ATG5: variants seen among roughly 807,000 people sequenced by gnomAD.
ATG5 encodes the protein autophagy related 5.
A neutral mutation model predicts 36.5 loss-of-function variants in ATG5; 14 were observed. The observed-to-expected ratio is 0.38, with a 90% confidence interval of 0.25 to 0.60. The LOEUF (loss-of-function observed/expected upper bound fraction) is 0.60. ATG5 is among the 20% of genes least tolerant of loss of function. The probability of loss-of-function intolerance (pLI) is 0.60; values close to 1 mark genes in which losing one functional copy is unlikely to be tolerated. For missense variants in ATG5, 195 were observed against 326.7 expected, an observed-to-expected ratio of 0.60 and a Z score of 3.11; for synonymous variants, 95 against 101.5, an observed-to-expected ratio of 0.94 and a Z score of 0.38.
At chr6:106,253,631 G>A (rs1201279396) in intron 5 of ATG5, among the ~76,000 whole-genome samples, 1 of 152,070 alleles carries the variant, frequency 6.6e-6, no homozygotes, top group Non-Finnish European at 1.5e-5. Context: ...TCACCTCTCT[G>A]AGCCAACACA....
intron 7 of ATG5, among the ~76,000 whole-genome samples, chr6:106,188,426 GT>G (rs2114301556): frequency 6.6e-6 from 1 of 152,252 alleles, no homozygotes; most frequent in African/African-American, 2.4e-5. Flanking sequence ...TATCTCTAAA[GT>G]TTTTCCTTAA....
chr6:106,272,860 T>C (rs973428857), intron 5 of ATG5, among the ~76,000 whole-genome samples: 1 of 152,142 alleles, frequency 6.6e-6, no homozygotes. Context: ...CATGAGAGTA[T>C]AAAATCTGTG....
At chr6:106,257,502 G>T (rs1038440601) in intron 5 of ATG5, among the ~76,000 whole-genome samples, 1 of 152,112 alleles carries the variant, frequency 6.6e-6, no homozygotes, top group African/African-American at 2.4e-5. Flanking sequence ...AATCTTAAGG[G>T]ACCACTATCA....
At chr6:106,186,866 T>C (rs1298364104) in intron 7 of ATG5, among the ~76,000 whole-genome samples, 190 bp from the exon 8 acceptor site, 1 of 152,186 alleles carries the variant, frequency 6.6e-6, no homozygotes, top group African/African-American at 2.4e-5. Context: ...AACCTGAGGG[T>C]TACAATATAT....
intron 7 of ATG5, among the ~76,000 whole-genome samples, chr6:106,193,821 A>C (rs1776067816): frequency 6.6e-6 from 1 of 152,220 alleles, no homozygotes; most frequent in African/African-American, 2.4e-5. Flanking sequence ...ACATATGGTC[A>C]GAATGAAGCC....
chr6:106,302,456 A>G (rs1770256733), intron 3 of ATG5, among the ~76,000 whole-genome samples: 1 of 152,072 alleles, frequency 6.6e-6, no homozygotes, highest in Non-Finnish European at 1.5e-5. Flanking sequence ...AGAAAGAAAA[A>G]TTATGGCACT....
intron 6 of ATG5, among the ~76,000 whole-genome samples, chr6:106,243,809 C>T (rs754676000): frequency 8.2e-5 from 12 of 146,530 alleles, no homozygotes; most frequent in African/African-American, 2.0e-4. Context: ...CCAGCCTGGG[C>T]GACAGAGCAA....
intron 5 of ATG5, among the ~76,000 whole-genome samples, chr6:106,262,654 T>TA (rs1779070450): frequency 6.6e-6 from 1 of 150,632 alleles, no homozygotes; most frequent in African/African-American, 2.5e-5. Flanking sequence ...CCAACTGAGG[T>TA]ACCCAGGTCA....
intron 5 of ATG5, among the ~76,000 whole-genome samples, chr6:106,249,881 C>T (rs1393646498): frequency 6.6e-6 from 1 of 152,218 alleles, no homozygotes; most frequent in Non-Finnish European, 1.5e-5. Context: ...TTCTCATGTG[C>T]TCAATGGCCA....
intron 7 of ATG5, among the ~76,000 whole-genome samples, chr6:106,189,227 A>G (rs1775883073): frequency 6.6e-6 from 1 of 152,220 alleles, no homozygotes. Flanking sequence ...TTTCCAGATA[A>G]GCCAAATGTA....
At chr6:106,269,573 T>G (rs1279767243) in intron 5 of ATG5, among the ~76,000 whole-genome samples, 1 of 152,142 alleles carries the variant, frequency 6.6e-6, no homozygotes, top group Non-Finnish European at 1.5e-5. Context: ...TAAGGCCAGG[T>G]GAGAAATCGA....
rs1770950727 is a variant in ATG5, at chr6:106,318,635, G to C, written c.-58-2369C>G. On this transcript the variant is annotated intron_variant, in intron 1 of 7. Transcript: ENST00000369076. Reference sequence around the variant, plus strand: ...TGTATATTTTTTGCAAGACCTCAAGGGAAGAACTAACTCAGCCAAGGCAGC... The same window carrying C: ...TGTATATTTTTTGCAAGACCTCAAGCGAAGAACTAACTCAGCCAAGGCAGC... Among the ~76,000 whole-genome samples, 4 of 152,048 alleles carry C rather than the reference G, an allele frequency of 2.6e-5. No individual in the cohort carries two copies. The South Asian group carries it at 8.3e-4, about 32-fold the overall frequency.
At chr6:106,252,729 T>C (rs656994) in intron 5 of ATG5, among the ~76,000 whole-genome samples, 8,191 of 152,160 alleles carry the variant, frequency 0.054, 603 homozygotes, top group East Asian at 0.24. Context: ...CTACTCAGGC[T>C]CAATTCAGCT....
chr6:106,288,042 C>T (rs561589640), intron 4 of ATG5, among the ~76,000 whole-genome samples: 4 of 151,424 alleles, frequency 2.6e-5, no homozygotes, highest in African/African-American at 9.7e-5. Flanking sequence ...ATGGTCTCGG[C>T]TCACTGCAAC....
At chr6:106,262,492 T>C (rs1463247454) in intron 5 of ATG5, among the ~76,000 whole-genome samples, 1 of 152,140 alleles carries the variant, frequency 6.6e-6, no homozygotes, top group African/African-American at 2.4e-5. Context: ...GAAAAGTAAG[T>C]ACATCTAAAG....
intron 3 of ATG5, among the ~76,000 whole-genome samples, chr6:106,297,101 G>C (rs1330358623): frequency 6.6e-6 from 1 of 152,060 alleles, no homozygotes; most frequent in African/African-American, 2.4e-5. Context: ...AGAACTAATA[G>C]AAGAACAATA....
Position 106,186,417 on chromosome 6 carries a change from G to T in ATG5, c.*123C>A, listed in dbSNP as rs1008257091. The T allele has an allele frequency of 6.0e-6, 7 of 1,173,784 alleles. No individual in the cohort carries two copies. The African/African-American group carries it at 9.2e-5, about 15-fold the overall frequency. The allele number at this position is 1,173,784 out of a possible 1,614,324, so 72.7% of individuals were successfully genotyped here. A position where few individuals can be genotyped will look rare whatever the true frequency, so the allele number is the denominator to read the frequency against. ...CTGACATGGAATCTTTTTCCTGTCT[G>T]GCTTGCAGCAGCGAAGTGTTTCTGG... On this transcript the variant is annotated 3_prime_UTR_variant, in exon 8 of 8. Coordinates refer to ENST00000369076, the MANE Select transcript of ATG5 (RefSeq NM_004849.4).
intron 6 of ATG5, among the ~76,000 whole-genome samples, chr6:106,240,963 G>A (rs1582596711): frequency 1.3e-5 from 2 of 152,274 alleles, no homozygotes; most frequent in African/African-American, 4.8e-5. Context: ...GACCAGCCTG[G>A]CCAACATGGC....
At chr6:106,233,145 CAAACCAA>C (rs1777755991) in intron 6 of ATG5, among the ~76,000 whole-genome samples, 1 of 152,152 alleles carries the variant, frequency 6.6e-6, no homozygotes, top group African/African-American at 2.4e-5. Flanking sequence ...ACAAGGTTTC[CAAACCAA>C]AGGCTCAGCT....
Sources: allele counts gnomAD v4.1 joint callset (sites outside exome capture counted in the v4.1 genomes callset), GRCh38; gene constraint gnomAD v4.1.1; transcripts MANE v1.5; gene names NCBI Gene and HGNC (gene_info 2026-07-23, HGNC 2026-07-21).